The following ARHGAP17 variants were observed in gnomAD, a reference collection of about 807,000 sequenced individuals.
ARHGAP17 encodes the protein Rho GTPase activating protein 17.
ARHGAP17 carries 57 observed loss-of-function variants against 99.5 expected under a neutral mutation model. The observed-to-expected ratio is 0.57, with a 90% CI of 0.46 to 0.71. The LOEUF is 0.71. Ranked by LOEUF, ARHGAP17 falls within the 30% of genes least tolerant of loss-of-function variation. The pLI is 0.00. For missense variants in ARHGAP17, 1,000 were observed against 1,122.4 expected (o/e 0.89, Z 1.56); for synonymous variants, 417 against 429.6 (o/e 0.97, Z 0.36).
chr16:24,988,060 C>T (rs2052926993), intron 1 of ARHGAP17, among the ~76,000 whole-genome samples: 1 of 152,200 alleles, frequency 6.6e-6, no homozygotes, highest in Non-Finnish European at 1.5e-5. Flanking sequence ...CCTCCCGTTA[C>T]AAGTGTTTAC....
At chr16:24,946,624 T>A (rs1213605904) in intron 14 of ARHGAP17, among the ~76,000 whole-genome samples, 1 of 152,106 alleles carries the variant, frequency 6.6e-6, no homozygotes, top group Non-Finnish European at 1.5e-5. Context: ...GACCTTCCTT[T>A]TTCATCCTGA....
intron 4 of ARHGAP17, among the ~76,000 whole-genome samples, chr16:24,969,357 A>G (rs2141312730): frequency 6.6e-6 from 1 of 151,686 alleles, no homozygotes; most frequent in African/African-American, 2.4e-5. Flanking sequence ...CAAGCTCTCT[A>G]TGGGGTTTTT....
At chr16:24,922,502 T>C (rs1481457542) in intron 19 of ARHGAP17, among the ~76,000 whole-genome samples, 1 of 152,134 alleles carries the variant, frequency 6.6e-6, no homozygotes, top group Non-Finnish European at 1.5e-5. Flanking sequence ...GGAAATCCCT[T>C]ACTCTGCCGC....
At chr16:24,944,783 A>G (rs1187942002) in intron 14 of ARHGAP17, among the ~76,000 whole-genome samples, 3 of 151,518 alleles carry the variant, frequency 2.0e-5, no homozygotes, top group African/African-American at 7.3e-5. Context: ...CGCCCAGCTA[A>G]TTTTTTGTAT....
At chr16:24,925,446 T>C (rs953821336) in intron 19 of ARHGAP17, among the ~76,000 whole-genome samples, 28 of 152,284 alleles carry the variant, frequency 1.8e-4, no homozygotes, top group Admixed American at 7.9e-4. Context: ...TCCTCTTTGG[T>C]TGAAGTAGAA....
At chr16:24,998,719 C>G (rs1162637598) in intron 1 of ARHGAP17, among the ~76,000 whole-genome samples, 2 of 152,200 alleles carry the variant, frequency 1.3e-5, no homozygotes, top group African/African-American at 4.8e-5. Context: ...CAGGGTCTTT[C>G]TGGGCCACGC....
intron 7 of ARHGAP17, among the ~76,000 whole-genome samples, chr16:24,962,359 A>T (rs1308732818): frequency 6.6e-6 from 1 of 152,224 alleles, no homozygotes; most frequent in African/African-American, 2.4e-5. Context: ...TGTACTCTCA[A>T]CGAAACAACA....
chr16:24,957,026 T>C (rs2051828690), intron 9 of ARHGAP17: 2 of 152,250 alleles, frequency 1.3e-5, no homozygotes, highest in African/African-American at 4.8e-5. Context: ...ATTGTGAGTC[T>C]GGGAATTTAC....
intron 19 of ARHGAP17, among the ~76,000 whole-genome samples, chr16:24,922,293 G>T (rs555574670): frequency 2.6e-5 from 4 of 152,172 alleles, no homozygotes; most frequent in Admixed American, 2.6e-4. Context: ...CTGTGTATAC[G>T]GATGAGATTT....
At position 25,015,366 on chromosome 16, in the gene ARHGAP17, G is replaced by A; in HGVS notation, c.-105C>T. 9.3e-7 allele frequency: 1 copy of A among 1,074,910 alleles called. No homozygotes were observed. Among genetic ancestry groups the A allele is most frequent in the Non-Finnish European group, 1.2e-6 (1 of 851,500 alleles). The allele number at this position is 1,074,910 out of a possible 1,614,324, so 66.6% of individuals were successfully genotyped here. On this transcript the variant is annotated 5_prime_UTR_variant, in exon 1 of 20. Transcript: ENST00000289968. ...CGGCCCAAACGGCGGCGCGGCGGTGGCTCCCCGGGCCGGCGGCCCCGCCCT... is the reference window on the plus strand; with the variant it reads ...CGGCCCAAACGGCGGCGCGGCGGTGACTCCCCGGGCCGGCGGCCCCGCCCT...
intron 12 of ARHGAP17, among the ~76,000 whole-genome samples, chr16:24,949,831 C>G (rs1388330398): frequency 6.6e-6 from 1 of 152,186 alleles, no homozygotes; most frequent in Non-Finnish European, 1.5e-5. Context: ...TATGGCTTTA[C>G]AGAACCCAAA....
chr16:24,968,382 A>G lies in ARHGAP17; in HGVS notation c.430T>C (p.Leu144=), dbSNP rs1056564278. The G allele has an allele frequency of 9.3e-6, 15 of 1,614,102 alleles. No homozygotes were observed. Among genetic ancestry groups the G allele is most frequent in the East Asian group, 2.2e-5 (1 of 44,902 alleles). Residue 144 remains leucine, a synonymous_variant, in exon 6 of 20, where the codon TTG becomes CTG. Coordinates refer to ENST00000289968, the MANE Select transcript of ARHGAP17 (RefSeq NM_001006634.3). ...CTGACTGAATCCCAGTCTAACACCA[A>G]TCTTGCAAGCTGCTTCCTCTGCTTC... ...IQKQRKQLAR[L]VLDWDSVRAR...
At chr16:24,984,030 C>T (rs1316753678) in intron 1 of ARHGAP17, among the ~76,000 whole-genome samples, 2 of 152,170 alleles carry the variant, frequency 1.3e-5, no homozygotes, top group Non-Finnish European at 2.9e-5. Context: ...AAGGAGAAAA[C>T]AGAAATGTTT....
intron 3 of ARHGAP17, among the ~76,000 whole-genome samples, chr16:24,976,317 A>C (rs193086010): frequency 1.3e-5 from 2 of 152,214 alleles, no homozygotes. Context: ...GCTTGAGGCC[A>C]GGAGTTCTAC....
In ARHGAP17 at chr16:24,931,057, C is replaced by T. The variant is rs2050973044; in HGVS notation, c.2242G>A (p.Glu748Lys). 3 of 1,606,520 alleles carry T rather than the reference C, an allele frequency of 1.9e-6. No individual in the cohort carries two copies. The highest frequency in any genetic ancestry group is 2.2e-5 in the East Asian group (1 of 44,830). The change falls in exon 19 of 20, where the codon GAG (glutamate) becomes AAG (lysine). Residue 748 changes from glutamate (E) to lysine (K), a missense_variant. By Grantham distance (56) the Glu-to-Lys change is moderately conservative (BLOSUM62 1). Transcript: ENST00000289968. The stretch of plus-strand genomic sequence containing the variant: ...TGGGGAGGGGTGTGAGATGGCTGCT[C>T]AAGTCCATGCTCACTGGGCAATGCC... ...PMALPSEHGL[E>K]QPSHTPPQTP...
At chr16:24,952,702 T>C (rs1488258565) in intron 11 of ARHGAP17, among the ~76,000 whole-genome samples, 2 of 152,210 alleles carry the variant, frequency 1.3e-5, no homozygotes, top group Non-Finnish European at 2.9e-5. Context: ...ATATTTGCAT[T>C]ATAAGCTACT....
chr16:24,935,608 C>T lies in ARHGAP17; in HGVS notation c.1756G>A (p.Ala586Thr). ...PPKPKDPVSA[A>T]VPAPGRNNSQ... The stretch of plus-strand genomic sequence containing the variant: ...TTGTTTCTCCCTGGTGCTGGCACAG[C>T]TGCAGATACAGGGTCCTTCGGTTTG... Residue 586 changes from alanine to threonine, a missense_variant, in exon 18 of 20, where the codon GCT (alanine) becomes ACT (threonine). Ala to Thr is a moderately conservative substitution (Grantham distance 58, BLOSUM62 0). Coordinates refer to ENST00000289968, the MANE Select transcript of ARHGAP17 (RefSeq NM_001006634.3). 3 of 1,614,112 alleles carry T rather than the reference C, an allele frequency of 1.9e-6. No homozygotes were observed. The highest frequency in any genetic ancestry group is 1.7e-6 in the Non-Finnish European group (2 of 1,180,036).
At position 24,943,790 on chromosome 16, in the gene ARHGAP17, G is replaced by C. The variant is rs367758398; in HGVS notation, c.1314C>G (p.Ala438=). The change falls in exon 15 of 20, where the codon GCC becomes GCG. Residue 438 remains alanine, a synonymous_variant. Transcript: ENST00000289968. ...AATTACCTTCAGGGAAGAACCAGTC[G>C]GCATGCTGAATGATGGGTTCAATCA... ...VAVIEPIIQH[A]DWFFPEEVEF... 1.9e-6 allele frequency: 3 copies of C among 1,613,962 alleles called. No individual in the cohort carries two copies. The highest frequency in any genetic ancestry group is 1.7e-5 in the Admixed American group (1 of 60,004).
At chr16:25,003,512 C>A (rs530618648) in intron 1 of ARHGAP17, among the ~76,000 whole-genome samples, 1 of 152,210 alleles carries the variant, frequency 6.6e-6, no homozygotes, top group African/African-American at 2.4e-5. Context: ...CCATGCCTGG[C>A]CTTAAAGCTT....
Sources: allele counts gnomAD v4.1 joint callset (sites outside exome capture counted in the v4.1 genomes callset), GRCh38; gene constraint gnomAD v4.1.1; transcripts MANE v1.5; gene names NCBI Gene and HGNC (gene_info 2026-07-23, HGNC 2026-07-21).